Variants in CLTC observed in about 807,000 individuals in gnomAD.
CLTC encodes clathrin heavy chain 1.
A neutral mutation model predicts 195.8 loss-of-function variants in CLTC; 16 were observed. The ratio of observed to expected loss-of-function variants is 0.08; its 90% CI spans 0.06 to 0.12. The LOEUF is 0.12. Among genes scored for constraint, CLTC ranks in the 10% least tolerant of loss-of-function variants. The probability of loss-of-function intolerance (pLI) is 1.00; values close to 1 mark genes in which losing one functional copy is unlikely to be tolerated. For missense variants in CLTC, 796 were observed against 2,027.0 expected (o/e 0.39, Z 11.66); for synonymous variants, 667 against 689.4 (o/e 0.97, Z 0.51).
chr17:59,664,133 AC>A, intron 9 of CLTC, 139 bp downstream of exon 9: 1 of 720,744 alleles, frequency 1.4e-6, no homozygotes, highest in Non-Finnish European at 2.2e-6. Context: ...AAATTCTCTT[AC>A]CCCTCATATC....
intron 1 of CLTC, among the ~76,000 whole-genome samples, chr17:59,628,620 G>A (rs2031619981): frequency 6.6e-6 from 1 of 152,212 alleles, no homozygotes; most frequent in African/African-American, 2.4e-5. Context: ...AGGGATGACA[G>A]TTTTTCATGA....
chr17:59,683,977 G>C lies in CLTC; in HGVS notation c.4426G>C (p.Asp1476His). ...GAACAATCTTTTTATTACAGAAGAA[G>C]ATTATCAGGTAAAACCTTTTGATTC... Reference protein sequence around the residue: ...SLNNLFITEEDYQALRTSIDA... With the variant: ...SLNNLFITEEHYQALRTSIDA... The change falls in exon 28 of 32, where the codon GAT (aspartate) becomes CAT (histidine). Residue 1476 changes from aspartate to histidine, a missense_variant. This residue lies in a region of CLTC where 148 missense variants were observed against 279.5 expected (regional missense o/e 0.53). Transcript: ENST00000269122. This position sits in a 1 kb window ranked among gnomAD's most constrained non-coding sequence, Gnocchi z 6.1. The C allele has an allele frequency of 6.4e-7, 1 of 1,570,108 alleles. No homozygotes were observed. The highest frequency in any genetic ancestry group is 8.8e-7 in the Non-Finnish European group (1 of 1,140,252).
intron 8 of CLTC, 67 bp from the exon 9 acceptor site, chr17:59,663,775 T>C: frequency 7.6e-7 from 1 of 1,316,748 alleles, no homozygotes; most frequent in Non-Finnish European, 1.1e-6. Context: ...ATAGTGGACA[T>C]AGTGTCAACT....
Position 59,682,323 on chromosome 17 carries a change from A to G in CLTC, c.3495A>G (p.Arg1165=). 1 of 1,614,174 alleles carries G rather than the reference A, an allele frequency of 6.2e-7. No homozygotes were observed. Residue 1165 remains arginine (R), a synonymous_variant, in exon 22 of 32, where the codon CGA becomes CGG. Transcript: ENST00000269122. This position sits in a 1 kb window ranked among gnomAD's most constrained non-coding sequence, Gnocchi z 6.8. ...KYLQMARKKA[R]ESYVETELIF... is the part of the protein sequence containing the mutation. The stretch of plus-strand genomic sequence containing the variant: ...TGCAGATGGCCCGTAAGAAGGCTCG[A>G]GAGTCCTATGTGGAGACAGAACTGA...
At chr17:59,692,157 A>G (rs1191684000) in intron 31 of CLTC, among the ~76,000 whole-genome samples, 1 of 152,114 alleles carries the variant, frequency 6.6e-6, no homozygotes, top group Non-Finnish European at 1.5e-5. Context: ...TCTCTACTAA[A>G]AGTACAAAAA....
chr17:59,632,747 T>G (rs992834529), intron 1 of CLTC, among the ~76,000 whole-genome samples: 1 of 152,332 alleles, frequency 6.6e-6, no homozygotes, highest in Middle Eastern at 3.4e-3. Context: ...GAATTTTAGA[T>G]AGTGAAGCAG....
intron 6 of CLTC, chr17:59,656,254 A>G: frequency 2.6e-6 from 1 of 390,400 alleles, no homozygotes; most frequent in South Asian, 3.1e-5. Context: ...CTAAAAATAG[A>G]GATGTGTATG....
At chr17:59,692,260 T>A (rs572211699) in intron 31 of CLTC, among the ~76,000 whole-genome samples, 3 of 152,334 alleles carry the variant, frequency 2.0e-5, no homozygotes, top group South Asian at 4.1e-4. Context: ...AAGGCTGCAG[T>A]GAGCCAAAAT....
At chr17:59,654,440 A>C (rs539220764) in intron 5 of CLTC, among the ~76,000 whole-genome samples, 1 of 151,614 alleles carries the variant, frequency 6.6e-6, no homozygotes, top group South Asian at 2.1e-4. Context: ...AGCCTCCCAA[A>C]GTGCTGAGAT....
chr17:59,670,089 A>G (rs1480560007), intron 14 of CLTC, among the ~76,000 whole-genome samples: 1 of 152,184 alleles, frequency 6.6e-6, no homozygotes, highest in African/African-American at 2.4e-5. Flanking sequence ...TAGCTGTGCT[A>G]TGTTTGGACC....
At chr17:59,669,168 AT>A (rs1355651207) in intron 14 of CLTC, among the ~76,000 whole-genome samples, 10 of 152,190 alleles carry the variant, frequency 6.6e-5, no homozygotes, top group African/African-American at 2.4e-4. Flanking sequence ...GAAAAAAAAA[AT>A]AGCACTATTT....
At chr17:59,625,550 C>T (rs1361944041) in intron 1 of CLTC, among the ~76,000 whole-genome samples, 6 of 152,116 alleles carry the variant, frequency 3.9e-5, no homozygotes, top group African/African-American at 9.7e-5. Context: ...GGTAGTGGCT[C>T]ATGCCTGTAA....
Position 59,682,559 on chromosome 17 carries a change from T to TA in CLTC, c.3601-69dup. On this transcript the variant is annotated intron_variant, in intron 22 of 31. Coordinates refer to ENST00000269122, the MANE Select transcript of CLTC (RefSeq NM_004859.4). This position sits in a 1 kb window ranked among gnomAD's most constrained non-coding sequence, Gnocchi z 6.8. Reference sequence around the variant, plus strand: ...AACAAATTCTTTCTCATTGTGAAGATATCAATTTGAAAAGAGGATTAAGCT... The same window carrying TA: ...AACAAATTCTTTCTCATTGTGAAGATAATCAATTTGAAAAGAGGATTAAGCT... 3 of 1,584,838 alleles carry TA rather than the reference T, an allele frequency of 1.9e-6. No homozygotes were observed. Among genetic ancestry groups the TA allele is most frequent in the Non-Finnish European group, 2.6e-6 (3 of 1,161,904 alleles).
In CLTC at chr17:59,661,471, G is replaced by A; in HGVS notation, c.1196G>A (p.Arg399His). Residue 399 changes from arginine to histidine, a missense_variant, in exon 8 of 32, where the codon CGT becomes CAT. Physicochemically the swap from Arg to His is conservative, Grantham distance 29. Around this residue, in one of 9 missense-constraint regions of CLTC, gnomAD observed 293 missense variants for 795.6 expected, o/e 0.37. Transcript: ENST00000269122. Reference protein sequence around the residue: ...KGILRTPDTIRRFQSVPAQPG... With the variant: ...KGILRTPDTIHRFQSVPAQPG... Reference sequence around the variant, plus strand: ...ATTCTTCGTACTCCAGACACTATCCGTCGGTTCCAGAGTGTCCCAGCCCAG... The same window carrying A: ...ATTCTTCGTACTCCAGACACTATCCATCGGTTCCAGAGTGTCCCAGCCCAG... 1.2e-6 allele frequency: 2 copies of A among 1,613,812 alleles called. No individual in the cohort carries two copies. The highest frequency in any genetic ancestry group is 1.7e-6 in the Non-Finnish European group (2 of 1,179,818).
chr17:59,677,288 C>T (rs184079716), intron 17 of CLTC, 100 bp downstream of exon 17: 108 of 852,652 alleles, frequency 1.3e-4, no homozygotes, highest in East Asian at 1.1e-3. Context: ...CATTTGGGGA[C>T]GGTGGGTGCT....
Position 59,683,414 on chromosome 17 carries a change from C to G in CLTC, c.4069C>G (p.Leu1357Val). Reference protein sequence around the residue: ...KVLRAAEQAHLWAELVFLYDK... With the variant: ...KVLRAAEQAHVWAELVFLYDK... ...GCTAAGAGCTGCAGAACAAGCTCAT[C>G]TTTGGGCAGAACTGGTGTTTTTGTA... Residue 1357 changes from leucine (L) to valine (V), a missense_variant, in exon 26 of 32, where the codon CTT becomes GTT. Transcript: ENST00000269122. The surrounding 1 kb of genome is among the most constrained non-coding windows in gnomAD (Gnocchi z 6.1). 6.2e-7 allele frequency: 1 copy of G among 1,613,488 alleles called. No individual in the cohort carries two copies. The highest frequency in any genetic ancestry group is 8.5e-7 in the Non-Finnish European group (1 of 1,179,730).
At chr17:59,668,974 G>C in intron 14 of CLTC, 34 bp downstream of exon 14, 1 of 1,577,554 alleles carries the variant, frequency 6.3e-7, no homozygotes, top group South Asian at 1.2e-5. Context: ...TTTCTGGTTG[G>C]ATTCCAGGTT....
At position 59,666,162 on chromosome 17, in the gene CLTC, T is replaced by C. The variant is rs762946933; in HGVS notation, c.1704T>C (p.Asp568=). 6.2e-6 allele frequency: 10 copies of C among 1,613,628 alleles called. No homozygotes were observed. In the East Asian group the frequency reaches 2.2e-4, roughly 36 times the overall value. The change falls in exon 11 of 32, where the codon GAT becomes GAC. Residue 568 remains aspartate (D), a synonymous_variant. Transcript: ENST00000269122. The surrounding 1 kb of genome is among the most constrained non-coding windows in gnomAD (Gnocchi z 4.9). The part of the protein sequence containing the change: ...LIQQCTAFLL[D]ALKNNRPSEG... ...AGCAGTGTACTGCATTCTTGCTTGATGCTCTGAAGAATAATCGCCCATCTG... is the reference window on the plus strand; with the variant it reads ...AGCAGTGTACTGCATTCTTGCTTGACGCTCTGAAGAATAATCGCCCATCTG...
At position 59,682,022 on chromosome 17, in the gene CLTC, G is replaced by A. The variant is rs1217711076; in HGVS notation, c.3442+183G>A. On this transcript the variant is annotated intron_variant, in intron 21 of 31. Coordinates refer to ENST00000269122, the MANE Select transcript of CLTC (RefSeq NM_004859.4). This position sits in a 1 kb window ranked among gnomAD's most constrained non-coding sequence, Gnocchi z 6.8. ...TGTAAGTTCACAAAACTTACAAGTG[G>A]GGAAGATGAATCTTCTGTTTTTGAA... 1.2e-4 allele frequency among the ~76,000 whole-genome samples: 19 copies of A among 152,102 alleles called. No individual in the cohort carries two copies. Among genetic ancestry groups the A allele is most frequent in the Admixed American group, 1.2e-3 (19 of 15,274 alleles).
Sources: allele counts gnomAD v4.1 joint callset (sites outside exome capture counted in the v4.1 genomes callset), GRCh38; gene constraint gnomAD v4.1.1; regional missense constraint gnomAD v4.1.1; non-coding constraint Gnocchi (gnomAD v3.1); transcripts MANE v1.5; gene names NCBI Gene and HGNC (gene_info 2026-07-23, HGNC 2026-07-21).